Variants in GRIN2B observed in about 807,000 individuals in gnomAD.
GRIN2B encodes glutamate receptor ionotropic, NMDA 2B.
Under a neutral mutation model 114.5 loss-of-function variants are expected in GRIN2B, and 5 were observed. The observed-to-expected ratio is 0.04, with a 90% CI of 0.02 to 0.09. The LOEUF is 0.09. Ranked by LOEUF, GRIN2B falls within the 10% of genes least tolerant of loss-of-function variation. The pLI is 1.00. For synonymous variants in GRIN2B, 787 were observed against 745.1 expected (o/e 1.06, Z -0.92); for missense variants, 1,108 against 1,943.5 (o/e 0.57, Z 8.08).
At chr12:13,936,155 G>T (rs219896) in intron 2 of GRIN2B, among the ~76,000 whole-genome samples, 130,040 of 152,052 alleles carry the variant, frequency 0.86, 55,774 homozygotes, top group East Asian at 0.99. Flanking sequence ...TTATACATGC[G>T]CAGGGAAAGA....
chr12:13,944,898 G>A (rs1330856879), intron 2 of GRIN2B, among the ~76,000 whole-genome samples: 1 of 152,110 alleles, frequency 6.6e-6, no homozygotes, highest in Non-Finnish European at 1.5e-5. Flanking sequence ...AGAGCTATGG[G>A]CCATTGATTC....
At chr12:13,927,982 A>AAAG (rs71067738) in intron 2 of GRIN2B, among the ~76,000 whole-genome samples, 1 of 129,802 alleles carries the variant, frequency 7.7e-6, no homozygotes, top group Non-Finnish European at 1.7e-5. Context: ...AAAAAAAAAA[A>AAAG]GGGGGGGTAT....
intron 10 of GRIN2B, among the ~76,000 whole-genome samples, chr12:13,593,263 C>G (rs1003423885): frequency 1.4e-4 from 21 of 152,318 alleles, no homozygotes; most frequent in African/African-American, 5.1e-4. Context: ...AAGAACAAAG[C>G]TGGAGGCATC....
intron 5 of GRIN2B, among the ~76,000 whole-genome samples, chr12:13,651,300 C>A (rs562963026): frequency 1.9e-4 from 29 of 152,078 alleles, no homozygotes; most frequent in Non-Finnish European, 3.7e-4. Flanking sequence ...GCATTAAAAC[C>A]AGGCATGTGG....
chr12:13,913,682 C>T (rs1866662083), intron 2 of GRIN2B, among the ~76,000 whole-genome samples: 1 of 152,208 alleles, frequency 6.6e-6, no homozygotes, highest in African/African-American at 2.4e-5. Flanking sequence ...AGACGAGGCA[C>T]ATACTCCAAC....
At chr12:13,910,899 T>C (rs1439802480) in intron 2 of GRIN2B, among the ~76,000 whole-genome samples, 3 of 152,058 alleles carry the variant, frequency 2.0e-5, no homozygotes, top group South Asian at 2.1e-4. Flanking sequence ...GTCATGCTTG[T>C]TTGCATCTCC....
intron 3 of GRIN2B, among the ~76,000 whole-genome samples, chr12:13,801,661 G>T (rs145878742): frequency 1.8e-4 from 28 of 152,270 alleles, no homozygotes; most frequent in African/African-American, 3.4e-4. Context: ...GAGGAAATCA[G>T]ACATAACGAT....
chr12:13,584,117 C>T (rs986614556), intron 10 of GRIN2B, among the ~76,000 whole-genome samples: 6 of 152,130 alleles, frequency 3.9e-5, no homozygotes, highest in Admixed American at 3.9e-4. Context: ...CTCATCCCCA[C>T]CACCTTCTCT....
chr12:13,719,699 G>A (rs914091844), intron 4 of GRIN2B, among the ~76,000 whole-genome samples: 2 of 152,022 alleles, frequency 1.3e-5, no homozygotes, highest in African/African-American at 2.4e-5. Context: ...TCTTTACATT[G>A]AGTCTGTTTC....
At chr12:13,739,055 T>C (rs1002661238) in intron 4 of GRIN2B, among the ~76,000 whole-genome samples, 6 of 152,142 alleles carry the variant, frequency 3.9e-5, no homozygotes, top group African/African-American at 9.7e-5. Context: ...TCAGTATCAG[T>C]TGATACACTT....
At chr12:13,577,579 GA>G (rs1276636134) in intron 10 of GRIN2B, among the ~76,000 whole-genome samples, 1 of 152,180 alleles carries the variant, frequency 6.6e-6, no homozygotes, top group Non-Finnish European at 1.5e-5. Flanking sequence ...GCAAGTAAGG[GA>G]AGTACGGATC....
intron 10 of GRIN2B, among the ~76,000 whole-genome samples, chr12:13,573,896 G>A (rs1948739329): frequency 1.3e-5 from 2 of 152,300 alleles, no homozygotes; most frequent in Admixed American, 6.5e-5. Context: ...GGCAATCTGT[G>A]ATGCACCAAA....
chr12:13,885,768 G>T (rs1325085526), intron 2 of GRIN2B, among the ~76,000 whole-genome samples: 1 of 152,226 alleles, frequency 6.6e-6, no homozygotes, highest in Non-Finnish European at 1.5e-5. Context: ...AATACAACTT[G>T]TTCATTAGAC....
intron 4 of GRIN2B, among the ~76,000 whole-genome samples, chr12:13,742,402 C>T (rs1019723885): frequency 6.6e-6 from 1 of 152,146 alleles, no homozygotes; most frequent in African/African-American, 2.4e-5. Context: ...AAAGATATGG[C>T]CTTGGCCCTC....
chr12:13,678,515 C>A (rs1008069673), intron 4 of GRIN2B, among the ~76,000 whole-genome samples: 4 of 152,114 alleles, frequency 2.6e-5, no homozygotes, highest in Non-Finnish European at 5.9e-5. Flanking sequence ...CTTAGCATCC[C>A]AAGGCCTTTA....
At chr12:13,961,594 A>G (rs1867692895) in intron 2 of GRIN2B, among the ~76,000 whole-genome samples, 1 of 152,232 alleles carries the variant, frequency 6.6e-6, no homozygotes, top group African/African-American at 2.4e-5. Context: ...AACTAAATAA[A>G]CACTTGTTTT....
At chr12:13,890,707 C>A (rs1207819683) in intron 2 of GRIN2B, among the ~76,000 whole-genome samples, 1 of 152,068 alleles carries the variant, frequency 6.6e-6, no homozygotes, top group South Asian at 2.1e-4. Context: ...TATTGCTGTC[C>A]CTTGAACCAG....
At chr12:13,676,139 T>C (rs1354756308) in intron 4 of GRIN2B, among the ~76,000 whole-genome samples, 2 of 152,018 alleles carry the variant, frequency 1.3e-5, no homozygotes, top group African/African-American at 2.4e-5. Context: ...AGCTGAACAA[T>C]GTGAACACAT....
At chr12:13,710,660 T>C (rs1950405616) in intron 4 of GRIN2B, among the ~76,000 whole-genome samples, 1 of 151,966 alleles carries the variant, frequency 6.6e-6, no homozygotes, top group African/African-American at 2.4e-5. Flanking sequence ...TACCTAGGAA[T>C]CCAACTTACA....
Sources: allele counts gnomAD v4.1 joint callset (sites outside exome capture counted in the v4.1 genomes callset), GRCh38; gene constraint gnomAD v4.1.1; transcripts MANE v1.5; gene names NCBI Gene and HGNC (gene_info 2026-07-23, HGNC 2026-07-21).